Variants in ARHGAP39 observed in about 807,000 individuals in gnomAD.
The protein encoded by ARHGAP39 is rho GTPase-activating protein 39.
ARHGAP39 carries 44 observed loss-of-function variants against 106.9 expected under a neutral mutation model. The ratio of observed to expected loss-of-function variants is 0.41; its 90% CI spans 0.32 to 0.53. The LOEUF (loss-of-function observed/expected upper bound fraction) is 0.53. Ranked by LOEUF, ARHGAP39 falls within the 20% of genes least tolerant of loss-of-function variation. The pLI is 0.21. For synonymous variants in ARHGAP39, 768 were observed against 693.2 expected (o/e 1.11, Z -1.69); for missense variants, 1,496 against 1,577.3 (o/e 0.95, Z 0.87).
chr8:144,590,624 C>T (rs890377900), intron 2 of ARHGAP39, among the ~76,000 whole-genome samples: 14 of 152,212 alleles, frequency 9.2e-5, no homozygotes, highest in Admixed American at 2.0e-4. Flanking sequence ...GTGTTTACAG[C>T]AATGTGAGAA....
At chr8:144,697,452 G>C in the ARHGAP39 span, among the ~76,000 whole-genome samples, 1 of 151,924 alleles carries the variant, frequency 6.6e-6, no homozygotes, top group South Asian at 2.1e-4. Flanking sequence ...ATTTTACTCA[G>C]AATGGCTCTA....
Position 144,618,441 on chromosome 8 carries a change from G to A in ARHGAP39, c.-81-12746C>T, listed in dbSNP as rs377418812. Among the ~76,000 whole-genome samples the A allele has an allele frequency of 1.6e-4, 24 of 152,374 alleles. 1 individual carries two copies. The East Asian group carries it at 4.4e-3, about 28-fold the overall frequency. ...CCTGTGTTCGTGGGTAGTTTAATAG[G>A]TGACGGGAGAGGAAGCTTCTGGAGG... On this transcript the variant is annotated intron_variant, in intron 1 of 11. Coordinates refer to ENST00000377307, the MANE Select transcript of ARHGAP39 (RefSeq NM_025251.3).
intron 3 of ARHGAP39, among the ~76,000 whole-genome samples, chr8:144,562,593 C>G (rs1818235574): frequency 6.6e-6 from 1 of 150,426 alleles, no homozygotes; most frequent in Admixed American, 6.6e-5. Flanking sequence ...CCATTACACT[C>G]CAGTGGTTTC....
chr8:144,546,822 G>A (rs1396352347), intron 5 of ARHGAP39, among the ~76,000 whole-genome samples: 1 of 152,194 alleles, frequency 6.6e-6, no homozygotes, highest in Non-Finnish European at 1.5e-5. Context: ...CCAGGCTGCT[G>A]AGGCCTTCTC....
Position 144,604,382 on chromosome 8 carries a change from CTTTA to C in ARHGAP39, c.80+1149_80+1152del, listed in dbSNP as rs1300066724. Among the ~76,000 whole-genome samples the C allele has an allele frequency of 2.0e-5, 3 of 152,144 alleles. No individual in the cohort carries two copies. Among genetic ancestry groups the C allele is most frequent in the Admixed American group, 2.0e-4 (3 of 15,272 alleles). On this transcript the variant is annotated intron_variant, in intron 2 of 11. Coordinates refer to ENST00000377307, the MANE Select transcript of ARHGAP39 (RefSeq NM_025251.3). This position sits in a 1 kb window ranked among gnomAD's most constrained non-coding sequence, Gnocchi z 4.1. Reference sequence around the variant, plus strand: ...CCAAACCAAGGAACTCTCTATTTTACTTTATTTACTGTGACACGGGGGTCTCACG... The same window carrying C: ...CCAAACCAAGGAACTCTCTATTTTACTTTACTGTGACACGGGGGTCTCACG...
At chr8:144,674,712 T>C (rs1460420311) in intron 1 of ARHGAP39, among the ~76,000 whole-genome samples, 1 of 152,206 alleles carries the variant, frequency 6.6e-6, no homozygotes, top group African/African-American at 2.4e-5. Context: ...GAGGGGCTCC[T>C]GCAGGCCTGC....
the ARHGAP39 span, among the ~76,000 whole-genome samples, chr8:144,693,921 G>C: frequency 5.5e-4 from 84 of 152,294 alleles, 1 homozygote; most frequent in African/African-American, 1.5e-3. Context: ...TCAGGCAAAG[G>C]GGGGAGGGAG....
chr8:144,573,817 C>A (rs529997066), intron 3 of ARHGAP39, among the ~76,000 whole-genome samples: 1 of 151,942 alleles, frequency 6.6e-6, no homozygotes, highest in African/African-American at 2.4e-5. Context: ...AGAACGAAAA[C>A]GAAAAATAAA....
chr8:144,588,119 G>A (rs925146721), intron 2 of ARHGAP39, among the ~76,000 whole-genome samples: 7 of 152,344 alleles, frequency 4.6e-5, no homozygotes, highest in Non-Finnish European at 7.3e-5. Flanking sequence ...GCAGGGACAC[G>A]GGTTGGCCAT....
In ARHGAP39 at chr8:144,530,751, A is replaced by AGC. The variant is rs1564831064; in HGVS notation, c.3099_3100dup (p.Leu1034ArgfsTer39). The AGC allele has an allele frequency of 6.2e-7, 1 of 1,610,322 alleles. No homozygotes were observed. ...CAGCACCATGCGGTTGATGCGGGGC[A>AGC]GCGCGTGCACCACGGCCACCGCCGC... On this transcript the variant is annotated frameshift_variant, in exon 11 of 12. Coordinates refer to ENST00000377307, the MANE Select transcript of ARHGAP39 (RefSeq NM_025251.3). LOFTEE classifies it high-confidence loss of function.
chr8:144,582,801 G>T (rs982524326), intron 2 of ARHGAP39, among the ~76,000 whole-genome samples: 1 of 152,210 alleles, frequency 6.6e-6, no homozygotes, highest in South Asian at 2.1e-4. Flanking sequence ...TGGGCTGGTG[G>T]TGGAGGGCTG....
intron 1 of ARHGAP39, among the ~76,000 whole-genome samples, chr8:144,640,767 G>T (rs574430506): frequency 6.6e-6 from 1 of 152,128 alleles, no homozygotes; most frequent in Admixed American, 6.5e-5. Flanking sequence ...AAACGAAGCC[G>T]AGTTTTCGAT....
intron 6 of ARHGAP39, among the ~76,000 whole-genome samples, chr8:144,542,660 C>A (rs139251065): frequency 7.3e-6 from 1 of 136,166 alleles, no homozygotes; most frequent in South Asian, 2.6e-4. Flanking sequence ...GAGTCTTGGC[C>A]GGGCACAATG....
At chr8:144,655,309 G>A (rs142078014) in intron 1 of ARHGAP39, among the ~76,000 whole-genome samples, 16 of 152,252 alleles carry the variant, frequency 1.1e-4, no homozygotes, top group East Asian at 1.9e-4. Flanking sequence ...TAAAAGCCCC[G>A]GGATCAGCCA....
At chr8:144,687,813 C>T (rs1476150935), upstream of ARHGAP39, among the ~76,000 whole-genome samples, 1 of 136,176 alleles carries the variant, frequency 7.3e-6, no homozygotes, top group Non-Finnish European at 1.5e-5. Context: ...CACACACTGG[C>T]GGTGAGCACT....
chr8:144,659,655 A>G (rs1821775977), intron 1 of ARHGAP39, among the ~76,000 whole-genome samples: 1 of 152,042 alleles, frequency 6.6e-6, no homozygotes, highest in Admixed American at 6.5e-5. Flanking sequence ...ATCCCAAACA[A>G]TTTTTTGCAA....
Position 144,547,775 on chromosome 8 carries a change from C to A in ARHGAP39, c.1311G>T (p.Arg437Ser). The A allele has an allele frequency of 6.3e-7, 1 of 1,597,820 alleles. No homozygotes were observed. Among genetic ancestry groups the A allele is most frequent in the East Asian group, 2.2e-5 (1 of 44,552 alleles). ...YSLQPSPCLL[R>S]DQRLGVKSGD... ...CGGACTTGACGCCCAGGCGCTGGTC[C>A]CTCAGCAGGCAGGGGCTGGGCTGCA... The change falls in exon 5 of 12, where the codon AGG becomes AGT. Residue 437 changes from arginine to serine, a missense_variant. Around this residue, in one of 4 missense-constraint regions of ARHGAP39, gnomAD observed 905 missense variants for 816.4 expected, o/e 1.11. Transcript: ENST00000377307. This position sits in a 1 kb window ranked among gnomAD's most constrained non-coding sequence, Gnocchi z 5.2.
At chr8:144,572,444 A>C (rs1170453848) in intron 3 of ARHGAP39, among the ~76,000 whole-genome samples, 1 of 152,206 alleles carries the variant, frequency 6.6e-6, no homozygotes, top group East Asian at 1.9e-4. Context: ...CTGAAACTGG[A>C]TCCCTTCCTT....
At chr8:144,581,314 GC>G in intron 2 of ARHGAP39, 37 bp from the exon 3 acceptor site, 1 of 1,507,540 alleles carries the variant, frequency 6.6e-7, no homozygotes. Context: ...TGGAGCCACG[GC>G]GGCCTGGGCC....
Sources: allele counts gnomAD v4.1 joint callset (sites outside exome capture counted in the v4.1 genomes callset), GRCh38; gene constraint gnomAD v4.1.1; regional missense constraint gnomAD v4.1.1; non-coding constraint Gnocchi (gnomAD v3.1); transcripts MANE v1.5; gene names NCBI Gene and HGNC (gene_info 2026-07-23, HGNC 2026-07-21).